The following CCSER1 variants were observed in gnomAD, a reference collection of about 807,000 sequenced individuals.
CCSER1 encodes coiled-coil serine rich protein 1.
A neutral mutation model predicts 82.0 loss-of-function variants in CCSER1; 41 were observed. That is an observed-to-expected ratio of 0.50 (90% CI 0.39 to 0.65). CCSER1 has a LOEUF of 0.65. Among genes scored for constraint, CCSER1 ranks in the 30% least tolerant of loss-of-function variants. The pLI is 0.00. For missense variants in CCSER1, 1,119 were observed against 1,064.2 expected (o/e 1.05, Z -0.72); for synonymous variants, 414 against 383.9 (o/e 1.08, Z -0.92).
At chr4:90,508,832 C>A (rs1156649211) in intron 5 of CCSER1, among the ~76,000 whole-genome samples, 6 of 151,916 alleles carry the variant, frequency 3.9e-5, no homozygotes, top group Admixed American at 3.9e-4. Context: ...AGCTCATTGA[C>A]AATAGAAATA....
intron 5 of CCSER1, among the ~76,000 whole-genome samples, chr4:90,571,502 C>T (rs1438516185): frequency 2.0e-5 from 3 of 152,068 alleles, no homozygotes; most frequent in Non-Finnish European, 4.4e-5. Context: ...AAACAGAAAA[C>T]CAAATACCAC....
chr4:91,037,251 CACACACAT>C lies in CCSER1; in HGVS notation c.2173-48695_2173-48688del, dbSNP rs1336006754. The stretch of plus-strand genomic sequence containing the variant: ...TCTCTGTCACACACACACACACACA[CACACACAT>C]ACATACACACACACACACACACATA... On this transcript the variant is annotated intron_variant, in intron 9 of 10. Transcript: ENST00000509176. Among the ~76,000 whole-genome samples the C allele has an allele frequency of 1.0e-3, 138 of 135,374 alleles. 1 individual carries two copies. Among genetic ancestry groups the C allele is most frequent in the Non-Finnish European group, 1.5e-3 (89 of 60,070 alleles). The allele number at this position is 135,374 out of a possible 152,430, so 88.8% of individuals were successfully genotyped here.
intron 1 of CCSER1, among the ~76,000 whole-genome samples, chr4:90,218,812 G>C (rs1303207259): frequency 1.3e-5 from 2 of 152,042 alleles, no homozygotes; most frequent in Admixed American, 1.3e-4. Flanking sequence ...TTAGGACCAG[G>C]AGTTCAAGAC....
At chr4:91,072,777 G>A (rs957115431) in intron 9 of CCSER1, among the ~76,000 whole-genome samples, 2 of 151,776 alleles carry the variant, frequency 1.3e-5, no homozygotes, top group African/African-American at 4.8e-5. Flanking sequence ...GGCAAAATGG[G>A]GATTAGTAAT....
chr4:91,444,943 G>C (rs1343670878), intron 10 of CCSER1, among the ~76,000 whole-genome samples: 1 of 152,178 alleles, frequency 6.6e-6, no homozygotes, highest in Non-Finnish European at 1.5e-5. Context: ...TCAGTGTGCT[G>C]TGCTTCAGGA....
At chr4:91,341,233 C>G (rs1747698946) in intron 10 of CCSER1, among the ~76,000 whole-genome samples, 1 of 151,956 alleles carries the variant, frequency 6.6e-6, no homozygotes. Flanking sequence ...ATAATTTTCT[C>G]TTTATAATTG....
intron 8 of CCSER1, among the ~76,000 whole-genome samples, chr4:90,921,153 C>A (rs928949975): frequency 6.6e-6 from 1 of 151,790 alleles, no homozygotes; most frequent in Non-Finnish European, 1.5e-5. Flanking sequence ...TTATAAATTT[C>A]CATCTACCAT....
chr4:90,131,263 A>G (rs1019215137), intron 1 of CCSER1, among the ~76,000 whole-genome samples: 1 of 152,222 alleles, frequency 6.6e-6, no homozygotes, highest in African/African-American at 2.4e-5. Context: ...GGCCTCCCGA[A>G]GTGCTGGGGT....
At chr4:91,003,544 A>G (rs1738233444) in intron 9 of CCSER1, among the ~76,000 whole-genome samples, 1 of 152,000 alleles carries the variant, frequency 6.6e-6, no homozygotes, top group Non-Finnish European at 1.5e-5. Context: ...CACCCACGCA[A>G]CCCAAAAGTC....
intron 4 of CCSER1, among the ~76,000 whole-genome samples, chr4:90,450,364 G>C (rs552052558): frequency 5.1e-4 from 78 of 151,484 alleles, no homozygotes; most frequent in Non-Finnish European, 1.0e-3. Context: ...CTTTGTGAAA[G>C]AAATTAAATC....
chr4:90,481,058 C>G (rs867840576), intron 5 of CCSER1, among the ~76,000 whole-genome samples: 4 of 152,114 alleles, frequency 2.6e-5, no homozygotes, highest in Middle Eastern at 3.2e-3. Flanking sequence ...TTTCCTTGAG[C>G]AGTGGTTTGA....
intron 9 of CCSER1, among the ~76,000 whole-genome samples, chr4:90,963,830 T>C (rs566237290): frequency 1.5e-4 from 23 of 152,290 alleles, no homozygotes; most frequent in Admixed American, 5.2e-4. Context: ...TGCCTTATGA[T>C]CTATTGAAAG....
intron 1 of CCSER1, among the ~76,000 whole-genome samples, chr4:90,251,964 T>A (rs1214488547): frequency 1.3e-5 from 2 of 151,932 alleles, no homozygotes; most frequent in African/African-American, 4.8e-5. Flanking sequence ...TGTGCTGTAA[T>A]CTTTATTATT....
chr4:90,944,168 G>C (rs1294378284), intron 9 of CCSER1, among the ~76,000 whole-genome samples: 1 of 149,480 alleles, frequency 6.7e-6, no homozygotes. Flanking sequence ...GGAAGCGGAG[G>C]TTGCAGTGAG....
intron 10 of CCSER1, among the ~76,000 whole-genome samples, chr4:91,330,208 T>C (rs1397035841): frequency 6.6e-6 from 1 of 152,202 alleles, no homozygotes; most frequent in African/African-American, 2.4e-5. Context: ...AGAAATGTTA[T>C]TTATTCAGAA....
chr4:91,296,049 C>T (rs886497587), intron 10 of CCSER1, among the ~76,000 whole-genome samples: 2 of 151,746 alleles, frequency 1.3e-5, no homozygotes, highest in African/African-American at 4.8e-5. Context: ...TGAAGTCATT[C>T]CTCAAAATCT....
At chr4:90,899,365 G>A (rs1724253086) in intron 8 of CCSER1, among the ~76,000 whole-genome samples, 1 of 151,688 alleles carries the variant, frequency 6.6e-6, no homozygotes, top group Non-Finnish European at 1.5e-5. Context: ...GAATCTTTAG[G>A]GCTTTCTATG....
intron 6 of CCSER1, among the ~76,000 whole-genome samples, chr4:90,646,527 T>G (rs772137059): frequency 2.6e-5 from 4 of 152,180 alleles, no homozygotes; most frequent in Non-Finnish European, 5.9e-5. Flanking sequence ...CATTGAAATT[T>G]CTACCCAACC....
At chr4:90,641,803 CT>C (rs1289234276) in intron 6 of CCSER1, 14 of 188,558 alleles carry the variant, frequency 7.4e-5, no homozygotes, top group African/African-American at 3.0e-4. Flanking sequence ...AGAAAACGAA[CT>C]GCAACCCACA....
Sources: allele counts gnomAD v4.1 joint callset (sites outside exome capture counted in the v4.1 genomes callset), GRCh38; gene constraint gnomAD v4.1.1; transcripts MANE v1.5; gene names NCBI Gene and HGNC (gene_info 2026-07-23, HGNC 2026-07-21).